The following CRYBG3 variants were observed in gnomAD, a reference collection of about 807,000 sequenced individuals.
The protein encoded by CRYBG3 is crystallin beta-gamma domain containing 3.
In CRYBG3, 127 loss-of-function variants were observed where a neutral mutation model predicts 244.2. That is an observed-to-expected ratio of 0.52 (90% confidence interval 0.45 to 0.60). CRYBG3 has a LOEUF of 0.60. Among genes scored for constraint, CRYBG3 ranks in the 20% least tolerant of loss-of-function variants. The pLI is 0.00. For synonymous variants in CRYBG3, 1,132 were observed against 1,195.8 expected, an observed-to-expected ratio of 0.95 and a Z score of 1.10; for missense variants, 3,325 against 3,442.5, an observed-to-expected ratio of 0.97 and a Z score of 0.85.
intron 2 of CRYBG3, among the ~76,000 whole-genome samples, chr3:97,855,841 T>G (rs2039056067): frequency 6.6e-6 from 1 of 151,922 alleles, no homozygotes; most frequent in Non-Finnish European, 1.5e-5. Flanking sequence ...CACAAGGTAA[T>G]AGAGTATCAC....
intron 12 of CRYBG3, among the ~76,000 whole-genome samples, chr3:97,896,867 A>G (rs1017914563): frequency 6.6e-6 from 1 of 152,206 alleles, no homozygotes; most frequent in Non-Finnish European, 1.5e-5. Flanking sequence ...CCCTCCTGTA[A>G]GTGAAATTTT....
rs191920012 is a variant in CRYBG3 at position 97,876,247 on chromosome 3, A to T, written c.5053A>T (p.Ile1685Leu). Residue 1685 changes from isoleucine to leucine, a missense_variant, in exon 4 of 22, where the codon ATA (isoleucine) becomes TTA (leucine). By Grantham distance (5) the Ile-to-Leu change is conservative (BLOSUM62 2). Around this residue, in one of 4 missense-constraint regions of CRYBG3, gnomAD observed 635 missense variants for 771.7 expected, o/e 0.82. Coordinates refer to ENST00000389622, the MANE Select transcript of CRYBG3 (RefSeq NM_153605.4). ...AGGGGATATTGGCAAGACTGGGACGATAGCCTTGTCAGAAGTGGAAAATAT... is the reference window on the plus strand; with the variant it reads ...AGGGGATATTGGCAAGACTGGGACGTTAGCCTTGTCAGAAGTGGAAAATAT... ...AEGDIGKTGT[I>L]ALSEVENIHQ... The T allele has an allele frequency of 3.2e-6, 4 of 1,232,098 alleles. No individual in the cohort carries two copies. In the African/African-American group the frequency reaches 6.2e-5, roughly 19 times the overall value. 76.3% of individuals were successfully genotyped at this position (1,232,098 alleles called of 1,614,324 possible). A position where few individuals can be genotyped will look rare whatever the true frequency, so the allele number is the denominator to read the frequency against.
chr3:97,872,040 G>A lies in CRYBG3; in HGVS notation c.846G>A (p.Leu282=), dbSNP rs553364442. The change falls in exon 4 of 22, where the codon CTG becomes CTA. Residue 282 remains leucine (L), a synonymous_variant. Transcript: ENST00000389622. ...AGATTGAGGCTGGGGTACTGCCACTGTTGTTATCAGCTAGTACAGACTCAT... is the reference window on the plus strand; with the variant it reads ...AGATTGAGGCTGGGGTACTGCCACTATTGTTATCAGCTAGTACAGACTCAT... The part of the protein sequence containing the change: ...GSEIEAGVLP[L]LLSASTDSSM... 5.6e-5 allele frequency: 86 copies of A among 1,535,746 alleles called. No individual in the cohort carries two copies. In the South Asian group the frequency reaches 9.9e-4, roughly 18 times the overall value.
chr3:97,904,562 A>T (rs1454526566), intron 15 of CRYBG3, among the ~76,000 whole-genome samples: 1 of 152,144 alleles, frequency 6.6e-6, no homozygotes. Context: ...GAAAATGTTG[A>T]AGTATAAATC....
chr3:97,910,346 C>T (rs967089206), intron 15 of CRYBG3, among the ~76,000 whole-genome samples: 1 of 152,214 alleles, frequency 6.6e-6, no homozygotes, highest in Non-Finnish European at 1.5e-5. Context: ...CCTCCCCCAG[C>T]CTGGCTGCCG....
At chr3:97,892,475 A>G (rs2039590669) in intron 10 of CRYBG3, among the ~76,000 whole-genome samples, 1 of 152,128 alleles carries the variant, frequency 6.6e-6, no homozygotes, top group Non-Finnish European at 1.5e-5. Flanking sequence ...TTGTCACCAT[A>G]AACGTTTTGT....
At chr3:97,870,511 A>G (rs779839148) in intron 3 of CRYBG3, among the ~76,000 whole-genome samples, 7 of 152,092 alleles carry the variant, frequency 4.6e-5, no homozygotes, top group Non-Finnish European at 1.0e-4. Flanking sequence ...GCATATATGT[A>G]CCACATTTTC....
chr3:97,936,768 C>A lies in CRYBG3; in HGVS notation c.8382-17C>A, dbSNP rs1266516623. On this transcript the variant is annotated splice_polypyrimidine_tract_variant and intron_variant, in intron 18 of 21. Transcript: ENST00000389622. ...TTGTTTTGAAGTACACTACTTTTTT[C>A]TTTCTTGTTCTCATAGATGGATAGC... 3.7e-6 allele frequency: 6 copies of A among 1,601,126 alleles called. No homozygotes were observed. The highest frequency in any genetic ancestry group is 5.1e-6 in the Non-Finnish European group (6 of 1,175,660).
rs981787859 is a variant in CRYBG3 at position 97,873,805 on chromosome 3, A to G, written c.2611A>G (p.Ile871Val). The change falls in exon 4 of 22, where the codon ATT becomes GTT. Residue 871 changes from isoleucine to valine, a missense_variant. Ile to Val is a conservative substitution (Grantham distance 29). Coordinates refer to ENST00000389622, the MANE Select transcript of CRYBG3 (RefSeq NM_153605.4). The part of the protein sequence containing the change: ...LKITHVPEKP[I>V]LSELTFLEVE... ...AATTACCCATGTTCCAGAAAAGCCT[A>G]TTTTGTCAGAATTAACCTTTCTAGA... The G allele has an allele frequency of 3.8e-5, 59 of 1,532,794 alleles. No homozygotes were observed. Among genetic ancestry groups the G allele is most frequent in the Non-Finnish European group, 4.6e-5 (53 of 1,145,958 alleles). 94.9% of individuals were successfully genotyped at this position (1,532,794 alleles called of 1,614,324 possible).
chr3:97,870,598 T>C (rs75568656), intron 3 of CRYBG3, among the ~76,000 whole-genome samples: 2 of 152,192 alleles, frequency 1.3e-5, no homozygotes, highest in South Asian at 2.1e-4. Flanking sequence ...GTGATGAACA[T>C]ATGAGTGCAT....
In CRYBG3 at chr3:97,915,707, A is replaced by G. The variant is rs2039921892; in HGVS notation, c.8212A>G (p.Lys2738Glu). ...TACTTCCTGCGGTTGCCCAGCATCT[A>G]AAGTCAAATCTCTCAAGCCCATTGA... ...DLTSCGCPAS[K>E]VKSLKPIDYV... Residue 2738 changes from lysine (K) to glutamate (E), a missense_variant, in exon 17 of 22, where the codon AAA becomes GAA. This residue lies in a region of CRYBG3 where 714 missense variants were observed against 803.6 expected (regional missense o/e 0.89). Coordinates refer to ENST00000389622, the MANE Select transcript of CRYBG3 (RefSeq NM_153605.4). 3 of 1,612,616 alleles carry G rather than the reference A, an allele frequency of 1.9e-6. No homozygotes were observed. Among genetic ancestry groups the G allele is most frequent in the Non-Finnish European group, 2.5e-6 (3 of 1,178,868 alleles).
At chr3:97,907,351 A>T (rs2039789308) in intron 15 of CRYBG3, among the ~76,000 whole-genome samples, 1 of 152,120 alleles carries the variant, frequency 6.6e-6, no homozygotes, top group African/African-American at 2.4e-5. Context: ...CTCTGGTAGA[A>T]TTCGGCTGTG....
At chr3:97,889,473 A>G in intron 10 of CRYBG3, 83 bp downstream of exon 10, 1 of 1,143,852 alleles carries the variant, frequency 8.7e-7, no homozygotes, top group Non-Finnish European at 1.3e-6. Flanking sequence ...CATTGGAATA[A>G]AAAGTACCTC....
chr3:97,873,407 AT>A lies in CRYBG3; in HGVS notation c.2214del (p.Asn738LysfsTer18). 1 of 1,535,518 alleles carries A rather than the reference AT, an allele frequency of 6.5e-7. No individual in the cohort carries two copies. Among genetic ancestry groups the A allele is most frequent in the Non-Finnish European group, 8.7e-7 (1 of 1,146,748 alleles). ...AIFEFKEVLS[N>X]SEKCQVLPGS... ...TTTGAATTCAAAGAAGTTCTTTCTA[AT>A]AGTGAAAAATGCCAGGTTCTTCCAG... On this transcript the variant is annotated frameshift_variant, in exon 4 of 22. Transcript: ENST00000389622. LOFTEE classifies it high-confidence loss of function.
chr3:97,865,896 T>C (rs2039223607), intron 3 of CRYBG3, among the ~76,000 whole-genome samples: 1 of 152,176 alleles, frequency 6.6e-6, no homozygotes, highest in African/African-American at 2.4e-5. Context: ...TATTCCCAAT[T>C]TTCAAATTCT....
chr3:97,871,820 C>T (rs2039305846), intron 3 of CRYBG3, 22 bp from the exon 4 acceptor site: 3 of 1,443,392 alleles, frequency 2.1e-6, no homozygotes, highest in East Asian at 2.5e-5. Context: ...TTTCCTGATA[C>T]TCTCATGCTT....
chr3:97,925,319 C>G (rs1212979183), intron 17 of CRYBG3, among the ~76,000 whole-genome samples: 1 of 152,048 alleles, frequency 6.6e-6, no homozygotes, highest in Non-Finnish European at 1.5e-5. Flanking sequence ...TTAGCTTACT[C>G]TAGCTACAGG....
chr3:97,891,287 C>T (rs1412065208), intron 10 of CRYBG3, among the ~76,000 whole-genome samples: 1 of 152,070 alleles, frequency 6.6e-6, no homozygotes, highest in Non-Finnish European at 1.5e-5. Flanking sequence ...AGGCAGTTTA[C>T]CCTATGAGAT....
At chr3:97,918,362 C>A (rs543965531) in intron 17 of CRYBG3, among the ~76,000 whole-genome samples, 155 of 152,300 alleles carry the variant, frequency 1.0e-3, no homozygotes, top group African/African-American at 3.6e-3. Flanking sequence ...GTGTTGCAGT[C>A]ATTTTATAGT....
Sources: allele counts gnomAD v4.1 joint callset (sites outside exome capture counted in the v4.1 genomes callset), GRCh38; gene constraint gnomAD v4.1.1; regional missense constraint gnomAD v4.1.1; transcripts MANE v1.5; gene names NCBI Gene and HGNC (gene_info 2026-07-23, HGNC 2026-07-21).